The following CECR2 variants were observed in gnomAD, a reference collection of about 807,000 sequenced individuals.
CECR2 encodes the protein CECR2 histone acetyl-lysine reader.
A neutral mutation model predicts 154.5 loss-of-function variants in CECR2; 30 were observed. The observed-to-expected ratio is 0.19, with a 90% confidence interval of 0.15 to 0.26. CECR2 has a LOEUF of 0.26. CECR2 is among the 10% of genes least tolerant of loss of function. The probability of loss-of-function intolerance (pLI) is 1.00; values close to 1 mark genes in which losing one functional copy is unlikely to be tolerated. For missense variants in CECR2, 1,743 were observed against 1,829.3 expected, an observed-to-expected ratio of 0.95 and a Z score of 0.86; for synonymous variants, 725 against 683.7, an observed-to-expected ratio of 1.06 and a Z score of -0.94.
intron 1 of CECR2, among the ~76,000 whole-genome samples, chr22:17,473,179 A>G (rs957153363): frequency 3.9e-5 from 6 of 152,308 alleles, no homozygotes; most frequent in Admixed American, 2.0e-4. Flanking sequence ...GCAGAGGGGC[A>G]GTGGTAACTG....
chr22:17,386,700 G>A (rs1173451260), intron 1 of CECR2, among the ~76,000 whole-genome samples: 4 of 149,588 alleles, frequency 2.7e-5, no homozygotes, highest in Non-Finnish European at 4.4e-5. Flanking sequence ...GTCCAGGCTC[G>A]AGTGCAATGG....
chr22:17,413,969 G>A (rs987034113), intron 1 of CECR2, among the ~76,000 whole-genome samples: 57 of 139,492 alleles, frequency 4.1e-4, no homozygotes, highest in African/African-American at 8.4e-4. Context: ...GAACCACCGC[G>A]CCCGGCCTAT....
At chr22:17,440,736 CAG>C (rs949114814) in intron 1 of CECR2, among the ~76,000 whole-genome samples, 7 of 152,212 alleles carry the variant, frequency 4.6e-5, no homozygotes, top group Admixed American at 4.6e-4. Flanking sequence ...TTATTAGAAA[CAG>C]AAATTTGACT....
rs180895339 is a variant in CECR2 at position 17,402,211 on chromosome 22, C to G, written c.126+32302C>G. 5.9e-3 allele frequency among the ~76,000 whole-genome samples: 906 copies of G among 152,288 alleles called. 30 individuals are homozygous for G. The highest frequency in any genetic ancestry group is 0.055 in the Admixed American group (843 of 15,294). On this transcript the variant is annotated intron_variant, in intron 1 of 18. Coordinates refer to ENST00000262608, the MANE Select transcript of CECR2 (RefSeq NM_001290047.2). ...TGTTGCCCAGGCTGGTTTCGAACTC[C>G]CGAGCTCAGGCAGTTCACCTGCCTC...
intron 1 of CECR2, among the ~76,000 whole-genome samples, chr22:17,461,374 CA>C (rs2054935123): frequency 6.6e-6 from 1 of 152,114 alleles, no homozygotes; most frequent in Non-Finnish European, 1.5e-5. Flanking sequence ...CAGTATTTTT[CA>C]AGTCCCATTC....
In CECR2 at chr22:17,542,177, C is replaced by T. The variant is rs776150655; in HGVS notation, c.2034C>T (p.Ser678=). 12 of 1,610,746 alleles carry T rather than the reference C, an allele frequency of 7.4e-6. No homozygotes were observed. In the East Asian group the frequency reaches 2.5e-4, roughly 33 times the overall value. The change falls in exon 16 of 19, where the codon AGC becomes AGT. Residue 678 remains serine, a synonymous_variant. Transcript: ENST00000262608. ...FTMQPPVGIN[S]LRGPRLGTPE... is the part of the protein sequence containing the mutation. ...GCCAGCCTCCAGTTGGAATTAACAG[C>T]CTCCGAGGACCCAGGCTAGGCACAC...
Position 17,542,965 on chromosome 22 carries a change from C to T in CECR2, c.2822C>T (p.Pro941Leu), listed in dbSNP as rs754756829. ...GCCCTGGGCAACCCTGGGAGGGCAC[C>T]GGAGAACAGTGAAGCACAAGAGCCT... is the stretch of plus-strand genomic sequence containing the variant. ...KPALGNPGRAPENSEAQEPEN... is the reference protein window; with the variant it reads ...KPALGNPGRALENSEAQEPEN... The change falls in exon 16 of 19, where the codon CCG (proline) becomes CTG (leucine). Residue 941 changes from proline (P) to leucine (L), a missense_variant. By Grantham distance (98) the Pro-to-Leu change is moderately conservative. Coordinates refer to ENST00000262608, the MANE Select transcript of CECR2 (RefSeq NM_001290047.2). The T allele has an allele frequency of 4.3e-6, 7 of 1,612,594 alleles. No homozygotes were observed. The highest frequency in any genetic ancestry group is 3.3e-5 in the South Asian group (3 of 90,908).
chr22:17,499,179 T>TG (rs1448365975), intron 3 of CECR2, among the ~76,000 whole-genome samples: 2 of 151,404 alleles, frequency 1.3e-5, no homozygotes, highest in East Asian at 3.9e-4. Flanking sequence ...TTAGTAGAGG[T>TG]GGGGTTTCAC....
chr22:17,493,672 G>C (rs929508762), intron 2 of CECR2, among the ~76,000 whole-genome samples: 11 of 152,234 alleles, frequency 7.2e-5, no homozygotes, highest in African/African-American at 2.7e-4. Flanking sequence ...AAACTGAGTA[G>C]GACAATAGGC....
chr22:17,478,001 A>G (rs2055239265), intron 2 of CECR2, among the ~76,000 whole-genome samples: 1 of 152,200 alleles, frequency 6.6e-6, no homozygotes, highest in Non-Finnish European at 1.5e-5. Flanking sequence ...TTGGTAAAGT[A>G]TTGCCTAAGA....
chr22:17,467,843 T>C (rs1425769719), intron 1 of CECR2, among the ~76,000 whole-genome samples: 1 of 152,186 alleles, frequency 6.6e-6, no homozygotes. Context: ...AGCTGGCTTC[T>C]GCTTTCTCTT....
At chr22:17,418,518 A>G (rs892662008) in intron 1 of CECR2, among the ~76,000 whole-genome samples, 5 of 152,104 alleles carry the variant, frequency 3.3e-5, no homozygotes, top group African/African-American at 7.2e-5. Flanking sequence ...ATACTTTCCT[A>G]ATAGTTTTCT....
intron 1 of CECR2, among the ~76,000 whole-genome samples, chr22:17,400,936 TG>T (rs2053882495): frequency 6.6e-6 from 1 of 152,026 alleles, no homozygotes; most frequent in African/African-American, 2.4e-5. Flanking sequence ...CTTTTGTTGT[TG>T]TTGTTGTTTG....
intron 9 of CECR2, among the ~76,000 whole-genome samples, chr22:17,527,301 T>C (rs1244697349): frequency 2.6e-5 from 4 of 151,536 alleles, no homozygotes. Context: ...CTACAAAAAA[T>C]ACAAAAATTA....
At chr22:17,427,277 G>A (rs970332660) in intron 1 of CECR2, among the ~76,000 whole-genome samples, 1 of 152,164 alleles carries the variant, frequency 6.6e-6, no homozygotes, top group African/African-American at 2.4e-5. Context: ...AGACATTTGG[G>A]TTGATTCCAA....
chr22:17,541,953 C>T lies in CECR2; in HGVS notation c.1999C>T (p.Pro667Ser), dbSNP rs2056530675. The T allele has an allele frequency of 1.9e-6, 3 of 1,613,340 alleles. No individual in the cohort carries two copies. The highest frequency in any genetic ancestry group is 1.7e-6 in the Non-Finnish European group (2 of 1,179,662). The change falls in exon 15 of 19, where the codon CCT becomes TCT. Residue 667 changes from proline (P) to serine (S), a missense_variant. This residue lies in a region of CECR2 where 1,250 missense variants were observed against 1,192.1 expected (regional missense o/e 1.05). Coordinates refer to ENST00000262608, the MANE Select transcript of CECR2 (RefSeq NM_001290047.2). ...CGGGGAGCCTGTGCAGCAGCGTCAG[C>T]CTTTCACCATGCAGGTAAGCAGCCT... is the stretch of plus-strand genomic sequence containing the variant. ...HPGEPVQQRQPFTMQPPVGIN... is the reference protein window; with the variant it reads ...HPGEPVQQRQSFTMQPPVGIN...
chr22:17,364,202 G>C (rs1335982423), intron 1 of CECR2, among the ~76,000 whole-genome samples: 1 of 151,800 alleles, frequency 6.6e-6, no homozygotes, highest in Non-Finnish European at 1.5e-5. Flanking sequence ...AATTAGCTGG[G>C]TGTGGTGGCA....
At chr22:17,467,723 A>G (rs2055057028) in intron 1 of CECR2, among the ~76,000 whole-genome samples, 1 of 152,156 alleles carries the variant, frequency 6.6e-6, no homozygotes, top group South Asian at 2.1e-4. Context: ...CGGAGGTTGC[A>G]GTGAGCTGAG....
chr22:17,456,557 T>A (rs2054857480), intron 1 of CECR2, among the ~76,000 whole-genome samples: 1 of 152,194 alleles, frequency 6.6e-6, no homozygotes, highest in Non-Finnish European at 1.5e-5. Context: ...AAAACTGTAA[T>A]TTTTTTATGG....
Sources: allele counts gnomAD v4.1 joint callset (sites outside exome capture counted in the v4.1 genomes callset), GRCh38; gene constraint gnomAD v4.1.1; regional missense constraint gnomAD v4.1.1; transcripts MANE v1.5; gene names NCBI Gene and HGNC (gene_info 2026-07-23, HGNC 2026-07-21).